NCOA3: variants seen among roughly 807,000 people sequenced by gnomAD.
NCOA3 encodes CBP-interacting protein.
A neutral mutation model predicts 158.8 loss-of-function variants in NCOA3; 51 were observed. That is an observed-to-expected ratio of 0.32 (90% CI 0.26 to 0.41). NCOA3 has a LOEUF of 0.41. Ranked by LOEUF, NCOA3 falls within the 10% of genes least tolerant of loss-of-function variation. The pLI, the probability that NCOA3 is intolerant of heterozygous loss-of-function variation, is 1.00. For missense variants in NCOA3, 1,510 were observed against 1,746.6 expected (o/e 0.86, Z 2.41); for synonymous variants, 537 against 592.4 (o/e 0.91, Z 1.36).
intron 1 of NCOA3, among the ~76,000 whole-genome samples, chr20:47,582,882 C>T (rs1420341939): frequency 6.6e-6 from 1 of 152,208 alleles, no homozygotes; most frequent in African/African-American, 2.4e-5. Context: ...GCAACCTCTG[C>T]CTCCCAGGTT....
intron 18 of NCOA3, 59 bp downstream of exon 18, chr20:47,647,425 T>C (rs1380072506): frequency 6.6e-7 from 1 of 1,505,574 alleles, no homozygotes; most frequent in African/African-American, 1.4e-5. Context: ...AGACTATGTT[T>C]CTCAGTGTTC....
chr20:47,536,217 CACTT>C (rs1254658196), intron 1 of NCOA3, among the ~76,000 whole-genome samples: 1 of 152,194 alleles, frequency 6.6e-6, no homozygotes, highest in Non-Finnish European at 1.5e-5. Flanking sequence ...CTCTACCCAG[CACTT>C]ACTTCCCTGC....
intron 17 of NCOA3, 77 bp downstream of exon 17, chr20:47,642,461 C>T (rs1203597581): frequency 3.0e-6 from 3 of 1,005,468 alleles, no homozygotes; most frequent in Non-Finnish European, 4.0e-6. Context: ...AAGCCACATA[C>T]AAGAATGCCT....
intron 1 of NCOA3, among the ~76,000 whole-genome samples, chr20:47,540,510 T>C (rs144567918): frequency 6.6e-6 from 1 of 151,620 alleles, no homozygotes; most frequent in East Asian, 1.9e-4. Flanking sequence ...AGGTGGAGTT[T>C]GCAGTGAGCT....
intron 17 of NCOA3, among the ~76,000 whole-genome samples, chr20:47,645,523 G>A (rs901726707): frequency 3.3e-5 from 5 of 152,028 alleles, no homozygotes; most frequent in Non-Finnish European, 7.4e-5. Flanking sequence ...TATAAATATG[G>A]AAATACTTGA....
chr20:47,547,092 T>G (rs2084843259), intron 1 of NCOA3, among the ~76,000 whole-genome samples: 1 of 152,182 alleles, frequency 6.6e-6, no homozygotes, highest in African/African-American at 2.4e-5. Context: ...ATATTAATAC[T>G]TTACTTATTT....
chr20:47,581,988 A>G lies in NCOA3; in HGVS notation c.-98-1195A>G, dbSNP rs145326980. Among the ~76,000 whole-genome samples the G allele has an allele frequency of 2.3e-3, 344 of 152,238 alleles. 1 individual carries two copies. Among genetic ancestry groups the G allele is most frequent in the African/African-American group, 8.0e-3 (334 of 41,558 alleles). On this transcript the variant is annotated intron_variant, in intron 1 of 22. Transcript: ENST00000371998. Reference sequence around the variant, plus strand: ...AATTTTTGGACTAGGGCATTTAAGCATTTGATTCTGCCAGGGTATTAATGT... The same window carrying G: ...AATTTTTGGACTAGGGCATTTAAGCGTTTGATTCTGCCAGGGTATTAATGT...
At position 47,635,457 on chromosome 20, in the gene NCOA3, C is replaced by A. The variant is rs6125057; in HGVS notation, c.1248C>A (p.Ala416=). The A allele has an allele frequency of 6.2e-7, 1 of 1,614,124 alleles. No individual in the cohort carries two copies. The highest frequency in any genetic ancestry group is 1.7e-5 in the Admixed American group (1 of 59,998). ...NQGLQMPSSR[A]YGLADPSTTG... ...GCTTACAGATGCCGAGCAGCAGGGC[C>A]TATGGCTTGGCAGACCCTAGCACCA... The change falls in exon 11 of 23, where the codon GCC becomes GCA. Residue 416 remains alanine (A), a synonymous_variant. Coordinates refer to ENST00000371998, the MANE Select transcript of NCOA3 (RefSeq NM_181659.3).
At chr20:47,600,110 T>TTGTGTGTG (rs11472351) in intron 2 of NCOA3, among the ~76,000 whole-genome samples, 7,751 of 142,994 alleles carry the variant, frequency 0.054, 267 homozygotes, top group African/African-American at 0.088. Context: ...CTCACTTCCT[T>TTGTGTGTG]TGTGTGTGTG....
At chr20:47,572,932 A>C (rs182061577) in intron 1 of NCOA3, among the ~76,000 whole-genome samples, 3 of 152,298 alleles carry the variant, frequency 2.0e-5, no homozygotes, top group Admixed American at 2.0e-4. Flanking sequence ...ATTTGGACTT[A>C]TTTCAATATT....
At chr20:47,623,564 G>T (rs2146299848) in intron 3 of NCOA3, among the ~76,000 whole-genome samples, 1 of 152,116 alleles carries the variant, frequency 6.6e-6, no homozygotes, top group African/African-American at 2.4e-5. Context: ...AGGGTGGGTG[G>T]ATTACCTGAG....
At chr20:47,529,709 C>G (rs571395999) in intron 1 of NCOA3, among the ~76,000 whole-genome samples, 1 of 152,192 alleles carries the variant, frequency 6.6e-6, no homozygotes, top group African/African-American at 2.4e-5. Flanking sequence ...CTGCTCCTGG[C>G]CTTACCTCAA....
chr20:47,522,209 T>C (rs1469865157), intron 1 of NCOA3, among the ~76,000 whole-genome samples: 1 of 150,016 alleles, frequency 6.7e-6, no homozygotes, highest in Non-Finnish European at 1.5e-5. Context: ...TTCACGCCAT[T>C]CTCCTGCCTC....
At position 47,635,611 on chromosome 20, in the gene NCOA3, C is replaced by T. The variant is rs773479815; in HGVS notation, c.1402C>T (p.His468Tyr). The T allele has an allele frequency of 3.7e-6, 6 of 1,614,200 alleles. No homozygotes were observed. The South Asian group carries it at 4.4e-5, about 12-fold the overall frequency. ...TGGGCTCAACATGAGTAGCCCCCCACATGGGAGTCCTGGTCTTGCCCCAAA... is the reference window on the plus strand; with the variant it reads ...TGGGCTCAACATGAGTAGCCCCCCATATGGGAGTCCTGGTCTTGCCCCAAA... ...NYGLNMSSPP[H>Y]GSPGLAPNQQ... Residue 468 changes from histidine (H) to tyrosine (Y), a missense_variant, in exon 11 of 23, where the codon CAT becomes TAT. Physicochemically the swap from His to Tyr is moderately conservative, Grantham distance 83 (BLOSUM62 2). Transcript: ENST00000371998.
chr20:47,613,001 A>G lies in NCOA3; in HGVS notation c.-19-9228A>G, dbSNP rs17198144. 2.9e-3 allele frequency among the ~76,000 whole-genome samples: 442 copies of G among 152,358 alleles called. 10 individuals are homozygous for G. In the East Asian group the frequency reaches 0.056, roughly 19 times the overall value. On this transcript the variant is annotated intron_variant, in intron 2 of 22. Transcript: ENST00000371998. ...TCTGGGGAGTTTATGTTTAAATTCA[A>G]CTTCATCAGGTTTAAACTGGAACAT...
chr20:47,562,226 T>C (rs1487571901), intron 1 of NCOA3, among the ~76,000 whole-genome samples: 1 of 152,154 alleles, frequency 6.6e-6, no homozygotes, highest in Non-Finnish European at 1.5e-5. Context: ...TGTGTATAGG[T>C]TTTTGTGTGT....
At chr20:47,627,832 C>G (rs2086347567) in intron 7 of NCOA3, 83 bp downstream of exon 7, 1 of 1,572,980 alleles carries the variant, frequency 6.4e-7, no homozygotes, top group South Asian at 1.1e-5. Flanking sequence ...TGTAACCCTT[C>G]TTACTGAATT....
At position 47,583,170 on chromosome 20, in the gene NCOA3, T is replaced by C; in HGVS notation, c.-98-13T>C. On this transcript the variant is annotated splice_polypyrimidine_tract_variant and intron_variant, in intron 1 of 22. Transcript: ENST00000371998. The stretch of plus-strand genomic sequence containing the variant: ...CAATAAAATTCAATCCCTCCTCTTC[T>C]TTTTGTCCTCAGGATCAAAATACTT... The C allele has an allele frequency of 2.5e-6, 1 of 398,616 alleles. No homozygotes were observed. The highest frequency in any genetic ancestry group is 4.4e-6 in the Non-Finnish European group (1 of 226,034). The allele number at this position is 398,616 out of a possible 1,614,324, so 24.7% of individuals were successfully genotyped here. A position where few individuals can be genotyped will look rare whatever the true frequency, so the allele number is the denominator to read the frequency against.
intron 1 of NCOA3, among the ~76,000 whole-genome samples, chr20:47,534,415 A>G (rs559839070): frequency 3.6e-4 from 55 of 152,300 alleles, no homozygotes; most frequent in African/African-American, 1.1e-3. Context: ...GTGTTTCACT[A>G]GCATTAGTCT....
Sources: gnomAD v4.1 joint callset for allele counts (sites outside exome capture counted in the v4.1 genomes callset) on GRCh38, gnomAD v4.1.1 for gene constraint, MANE v1.5 for transcripts, NCBI Gene and HGNC (gene_info 2026-07-23, HGNC 2026-07-21) for gene names.